The following ABL1 variants were observed in gnomAD, a reference collection of about 807,000 sequenced individuals.
The protein encoded by ABL1 is tyrosine-protein kinase ABL1.
A neutral mutation model predicts 94.7 loss-of-function variants in ABL1; 11 were observed. The observed-to-expected ratio is 0.12, with a 90% CI of 0.07 to 0.19. The LOEUF is 0.19. Among genes scored for constraint, ABL1 ranks in the 10% least tolerant of loss-of-function variants. The pLI, the probability that ABL1 is intolerant of heterozygous loss-of-function variation, is 1.00. For missense variants in ABL1, 1,082 were observed against 1,489.4 expected (o/e 0.73, Z 4.50); for synonymous variants, 656 against 622.4 (o/e 1.05, Z -0.80).
At position 130,857,271 on chromosome 9, in the gene ABL1, A is replaced by G. The variant is rs563721980; in HGVS notation, c.549+2175A>G. 2.3e-3 allele frequency among the ~76,000 whole-genome samples: 351 copies of G among 152,290 alleles called. 3 individuals are homozygous for G. The highest frequency in any genetic ancestry group is 0.01 in the Middle Eastern group (3 of 294). ...CATCACCAGGTCACCCTCTATAGAAATTGTACAAATTTGTTCTCCCACAAA... is the reference window on the plus strand; with the variant it reads ...CATCACCAGGTCACCCTCTATAGAAGTTGTACAAATTTGTTCTCCCACAAA... On this transcript the variant is annotated intron_variant, in intron 3 of 10. Transcript: ENST00000318560.
chr9:130,878,284 A>G (rs1034793710), intron 7 of ABL1, 131 bp from the exon 8 acceptor site: 5 of 1,082,160 alleles, frequency 4.6e-6, no homozygotes, highest in Admixed American at 4.3e-5. Context: ...AGAGCCTGGT[A>G]AAATGTCAGA....
chr9:130,877,033 G>C (rs1443188216), intron 7 of ABL1, among the ~76,000 whole-genome samples: 1 of 148,140 alleles, frequency 6.8e-6, no homozygotes, highest in African/African-American at 2.6e-5. Context: ...CCCTTCAGTG[G>C]TGGCCAATTA....
At chr9:130,778,866 C>T (rs748547380) in intron 1 of ABL1, among the ~76,000 whole-genome samples, 23 of 151,912 alleles carry the variant, frequency 1.5e-4, no homozygotes, top group Non-Finnish European at 3.2e-4. Context: ...TGGATTCCTA[C>T]GGGTAGGAAA....
intron 1 of ABL1, among the ~76,000 whole-genome samples, chr9:130,812,450 T>C (rs914305312): frequency 6.6e-6 from 1 of 152,040 alleles, no homozygotes; most frequent in Non-Finnish European, 1.5e-5. Flanking sequence ...TCTACAGTTA[T>C]CCCACTTTGA....
intron 1 of ABL1, among the ~76,000 whole-genome samples, chr9:130,821,482 CTGAG>C (rs1405332077): frequency 2.6e-5 from 4 of 152,050 alleles, no homozygotes; most frequent in African/African-American, 7.2e-5. Flanking sequence ...CTTTTTATCA[CTGAG>C]TATTATTCCA....
At chr9:130,770,742 A>C (rs112380692) in intron 1 of ABL1, among the ~76,000 whole-genome samples, 2 of 152,230 alleles carry the variant, frequency 1.3e-5, no homozygotes, top group Non-Finnish European at 2.9e-5. Context: ...AAATAAATAA[A>C]AATTTAAGTT....
intron 1 of ABL1, among the ~76,000 whole-genome samples, chr9:130,806,495 A>T (rs891281511): frequency 6.6e-6 from 1 of 151,984 alleles, no homozygotes; most frequent in African/African-American, 2.4e-5. Context: ...TGAGGACTTT[A>T]AAAAAAATTG....
intron 1 of ABL1, among the ~76,000 whole-genome samples, chr9:130,815,579 TTTCATTAG>T (rs1329883182): frequency 6.6e-6 from 1 of 152,138 alleles, no homozygotes; most frequent in Non-Finnish European, 1.5e-5. Flanking sequence ...ACTTGGATGA[TTTCATTAG>T]CCTCTTGGCC....
At chr9:130,836,402 G>C (rs1194479024) in intron 1 of ABL1, among the ~76,000 whole-genome samples, 2 of 152,170 alleles carry the variant, frequency 1.3e-5, no homozygotes, top group Non-Finnish European at 2.9e-5. Flanking sequence ...GTAGCTTCTA[G>C]GTGGGTATGA....
chr9:130,859,507 G>T (rs1377473571), intron 3 of ABL1, among the ~76,000 whole-genome samples: 2 of 151,718 alleles, frequency 1.3e-5, no homozygotes, highest in African/African-American at 4.8e-5. Flanking sequence ...CCTTCCTGCT[G>T]GTGTGTGAGC....
chr9:130,880,679 TC>T lies in ABL1; in HGVS notation c.1678+20del. ...GGGAGAGAGCGGTAAGTCCCCCGCTTCCCCCAACCCCACTGCTCTTCCCTTC... is the reference window on the plus strand; with the variant it reads ...GGGAGAGAGCGGTAAGTCCCCCGCTTCCCCAACCCCACTGCTCTTCCCTTC... On this transcript the variant is annotated intron_variant, in intron 10 of 10. Transcript: ENST00000318560. This position sits in a 1 kb window ranked among gnomAD's most constrained non-coding sequence, Gnocchi z 4.4. 2 of 1,611,422 alleles carry T rather than the reference TC, an allele frequency of 1.2e-6. No homozygotes were observed. Among genetic ancestry groups the T allele is most frequent in the South Asian group, 1.1e-5 (1 of 90,960 alleles).
chr9:130,717,913 T>C (rs1182340955), intron 1 of ABL1, among the ~76,000 whole-genome samples: 6 of 151,786 alleles, frequency 4.0e-5, no homozygotes, highest in Admixed American at 2.6e-4. Flanking sequence ...CTCAGGAGGC[T>C]GAGGCAGGAG....
At position 130,749,806 on chromosome 9, in the gene ABL1, C is replaced by T. The variant is rs137878768; in HGVS notation, c.136+35351C>T. ...TTATTATTTTATGAAATTGTTGATT[C>T]GTCTTCATAATTTGAGATACAAGAT... On this transcript the variant is annotated intron_variant, in intron 1 of 10. Coordinates refer to the ABL1 transcript ENST00000372348. 3.1e-3 allele frequency among the ~76,000 whole-genome samples: 469 copies of T among 152,086 alleles called. 6 individuals carry two copies. The highest frequency in any genetic ancestry group is 0.011 in the African/African-American group (452 of 41,468).
chr9:130,787,029 C>G (rs1829836230), intron 1 of ABL1, among the ~76,000 whole-genome samples: 1 of 152,158 alleles, frequency 6.6e-6, no homozygotes. Context: ...TCATTATATG[C>G]TGTTTCTCCT....
chr9:130,853,336 C>A lies in ABL1; in HGVS notation c.80-728C>A, dbSNP rs758253459. Among the ~76,000 whole-genome samples the A allele has an allele frequency of 5.3e-5, 8 of 151,590 alleles. No homozygotes were observed. The East Asian group carries it at 1.4e-3, about 26-fold the overall frequency. On this transcript the variant is annotated intron_variant, in intron 1 of 10. Transcript: ENST00000318560. ...GACTACAGGCACCTGCCACCATGCCCGGCTGATTTTTGTATTTGTAGTAAA... is the reference window on the plus strand; with the variant it reads ...GACTACAGGCACCTGCCACCATGCCAGGCTGATTTTTGTATTTGTAGTAAA...
intron 1 of ABL1, among the ~76,000 whole-genome samples, chr9:130,749,485 A>G (rs1039601062): frequency 3.3e-5 from 5 of 152,248 alleles, no homozygotes; most frequent in African/African-American, 4.8e-5. Context: ...TGATAGGGCT[A>G]AAGCCTGGTC....
At chr9:130,822,286 T>C (rs1272684911) in intron 1 of ABL1, among the ~76,000 whole-genome samples, 1 of 152,176 alleles carries the variant, frequency 6.6e-6, no homozygotes, top group South Asian at 2.1e-4. Context: ...TGCTGTCTTA[T>C]AGTAAGTTTA....
chr9:130,729,740 C>CTT (rs149864780), intron 1 of ABL1, among the ~76,000 whole-genome samples: 9 of 145,888 alleles, frequency 6.2e-5, no homozygotes, highest in South Asian at 2.2e-4. Context: ...TCTGCATATT[C>CTT]TTTTTTTTTT....
rs954536503 is a variant in ABL1, at chr9:130,758,296, G to A, written c.136+43841G>A. Among the ~76,000 whole-genome samples the A allele has an allele frequency of 1.2e-3, 190 of 152,098 alleles. 4 individuals are homozygous for A. Among genetic ancestry groups the A allele is most frequent in the Admixed American group, 5.2e-4 (8 of 15,260 alleles). ...CTGCCTCAGCCTCCCGAGTAGCTGG[G>A]ATTACAGGCGTGTACTACCACGTCT... On this transcript the variant is annotated intron_variant, in intron 1 of 10. Coordinates refer to the ABL1 transcript ENST00000372348.
Sources: allele counts gnomAD v4.1 joint callset (sites outside exome capture counted in the v4.1 genomes callset), GRCh38; gene constraint gnomAD v4.1.1; non-coding constraint Gnocchi (gnomAD v3.1); transcripts MANE v1.5; gene names NCBI Gene and HGNC (gene_info 2026-07-23, HGNC 2026-07-21).